Variants in CRY1 observed in about 807,000 individuals in gnomAD.
CRY1 encodes cryptochrome circadian regulator 1, also known as cryptochrome-1.
In CRY1, 45 loss-of-function variants were observed where a neutral mutation model predicts 76.0. The ratio of observed to expected loss-of-function variants is 0.59; its 90% CI spans 0.47 to 0.76. The LOEUF (loss-of-function observed/expected upper bound fraction) is 0.76, where lower values mean the gene tolerates loss of function less well. Among genes scored for constraint, CRY1 ranks in the 30% least tolerant of loss-of-function variants. CRY1 has a pLI of 0.00. For missense variants in CRY1, 587 were observed against 716.4 expected, an observed-to-expected ratio of 0.82 and a Z score of 2.06; for synonymous variants, 248 against 244.0, an observed-to-expected ratio of 1.02 and a Z score of -0.15.
intron 2 of CRY1, among the ~76,000 whole-genome samples, chr12:107,016,875 C>T (rs1450601582): frequency 1.3e-5 from 2 of 152,218 alleles, no homozygotes; most frequent in Non-Finnish European, 2.9e-5. Flanking sequence ...ATCCTTGACT[C>T]TCATATATCA....
At position 107,093,459 on chromosome 12, in the gene CRY1, A is replaced by G. The variant is rs1029932529; in HGVS notation, c.-498T>C. On this transcript the variant is annotated 5_prime_UTR_variant, in exon 1 of 13. Transcript: ENST00000008527. ...GCGACGCTGTCTCTCGGCCCGGGAGAAAGGACCGGGAACGGAGGCTAGAGG... is the reference window on the plus strand; with the variant it reads ...GCGACGCTGTCTCTCGGCCCGGGAGGAAGGACCGGGAACGGAGGCTAGAGG... The G allele has an allele frequency of 3.3e-5, 5 of 152,948 alleles. No individual in the cohort carries two copies. The highest frequency in any genetic ancestry group is 1.2e-4 in the African/African-American group (5 of 41,424). The allele number at this position is 152,948 out of a possible 1,614,324, so 9.5% of individuals were successfully genotyped here.
intron 1 of CRY1, 38 bp downstream of exon 1, chr12:107,092,766 A>G: frequency 1.2e-6 from 2 of 1,608,354 alleles, no homozygotes; most frequent in Non-Finnish European, 1.7e-6. Flanking sequence ...CAGACTCATT[A>G]AACACCCAAA....
chr12:107,017,025 C>T (rs1952503904), intron 2 of CRY1, among the ~76,000 whole-genome samples: 1 of 152,232 alleles, frequency 6.6e-6, no homozygotes, highest in African/African-American at 2.4e-5. Flanking sequence ...ACTGATCTTT[C>T]TGCTTCTGCC....
In CRY1 at chr12:106,992,872, G is replaced by A. The variant is rs780904119; in HGVS notation, c.1676C>T (p.Thr559Ile). The part of the protein sequence containing the change: ...LLKQGRSSMG[T>I]GLSGGKRPSQ... ...AGGACGTTTCCCACCACTGAGACCA[G>A]TGCCCATGGAGCTTCTTCCTGCACA... The change falls in exon 12 of 13, where the codon ACT becomes ATT. Residue 559 changes from threonine to isoleucine, a missense_variant. Physicochemically the swap from Thr to Ile is moderately conservative, Grantham distance 89. Transcript: ENST00000008527. 9 of 1,613,852 alleles carry A rather than the reference G, an allele frequency of 5.6e-6. No individual in the cohort carries two copies. The highest frequency in any genetic ancestry group is 1.3e-5 in the African/African-American group (1 of 74,888).
Position 106,991,560 on chromosome 12 carries a change from T to C in CRY1, c.*442A>G, listed in dbSNP as rs1211293052. On this transcript the variant is annotated 3_prime_UTR_variant, in exon 13 of 13. Transcript: ENST00000008527. ...GGATTACGCACATTATCTAAAACAT[T>C]ATTATCAAAGAGTGCAAAGTTAGAT... 6.6e-6 allele frequency: 1 copy of C among 152,600 alleles called. No individual in the cohort carries two copies. Among genetic ancestry groups the C allele is most frequent in the Admixed American group, 6.5e-5 (1 of 15,288 alleles). The allele number at this position is 152,600 out of a possible 1,614,324, so 9.5% of individuals were successfully genotyped here.
chr12:107,011,409 A>G (rs1362150354), intron 2 of CRY1, among the ~76,000 whole-genome samples: 1 of 151,998 alleles, frequency 6.6e-6, no homozygotes, highest in Non-Finnish European at 1.5e-5. Context: ...AAGCTAGGCC[A>G]TTTGCACCAG....
chr12:107,071,736 A>G (rs1452124945), intron 1 of CRY1, among the ~76,000 whole-genome samples: 1 of 152,230 alleles, frequency 6.6e-6, no homozygotes, highest in Non-Finnish European at 1.5e-5. Context: ...TAATGTAAGA[A>G]AGGGACTATC....
intron 1 of CRY1, chr12:107,072,787 G>A (rs1454599294): frequency 6.6e-6 from 1 of 152,116 alleles, no homozygotes; most frequent in African/African-American, 2.4e-5. Flanking sequence ...TCTTATGGGT[G>A]ATATTACACA....
intron 1 of CRY1, among the ~76,000 whole-genome samples, chr12:107,055,205 C>T (rs1211858266): frequency 1.3e-5 from 2 of 151,986 alleles, no homozygotes; most frequent in South Asian, 2.1e-4. Context: ...CTGACCTTGA[C>T]GTATTTATGC....
At chr12:107,036,678 T>C (rs1952736778) in intron 1 of CRY1, among the ~76,000 whole-genome samples, 1 of 151,984 alleles carries the variant, frequency 6.6e-6, no homozygotes, top group African/African-American at 2.4e-5. Context: ...TCTTTCTTAC[T>C]ACTCTCCTTC....
intron 1 of CRY1, among the ~76,000 whole-genome samples, chr12:107,077,581 T>C (rs1411395944): frequency 6.6e-6 from 1 of 152,198 alleles, no homozygotes; most frequent in Non-Finnish European, 1.5e-5. Flanking sequence ...ACCTTATCTA[T>C]ATATTTTATT....
chr12:107,054,023 TA>T (rs1480678572), intron 1 of CRY1, among the ~76,000 whole-genome samples: 1 of 152,142 alleles, frequency 6.6e-6, no homozygotes, highest in African/African-American at 2.4e-5. Context: ...TAGAGAATTC[TA>T]AAAGATACAT....
intron 1 of CRY1, among the ~76,000 whole-genome samples, chr12:107,056,294 A>T (rs1952981300): frequency 6.6e-6 from 1 of 152,250 alleles, no homozygotes; most frequent in Non-Finnish European, 1.5e-5. Context: ...GGCACTCAGC[A>T]GAAAAAGATG....
At chr12:106,995,081 C>T (rs1341645162) in intron 10 of CRY1, among the ~76,000 whole-genome samples, 1 of 152,178 alleles carries the variant, frequency 6.6e-6, no homozygotes, top group Non-Finnish European at 1.5e-5. Flanking sequence ...TGGAGCTAGT[C>T]AGACTTGGAT....
At chr12:107,036,229 T>C (rs1361520698) in intron 1 of CRY1, among the ~76,000 whole-genome samples, 1 of 152,212 alleles carries the variant, frequency 6.6e-6, no homozygotes, top group East Asian at 1.9e-4. Context: ...AATTGAAATG[T>C]TGCATAGCCC....
intron 1 of CRY1, among the ~76,000 whole-genome samples, chr12:107,028,137 G>GA (rs1198562455): frequency 3.9e-5 from 6 of 151,982 alleles, no homozygotes; most frequent in African/African-American, 1.2e-4. Flanking sequence ...GTTAAATGTA[G>GA]AAAAAACTAA....
chr12:107,068,561 G>C (rs1016355580), intron 1 of CRY1, among the ~76,000 whole-genome samples: 5 of 152,118 alleles, frequency 3.3e-5, no homozygotes, highest in Non-Finnish European at 5.9e-5. Context: ...GCCTCCCAAA[G>C]TGCTGAGATT....
intron 7 of CRY1, among the ~76,000 whole-genome samples, chr12:106,998,693 A>ACACAT (rs1238131760): frequency 7.5e-5 from 6 of 80,534 alleles, no homozygotes; most frequent in African/African-American, 3.1e-4. Context: ...CACACACACA[A>ACACAT]GCTCAGAAAT....
intron 1 of CRY1, among the ~76,000 whole-genome samples, chr12:107,038,686 G>C (rs1295947550): frequency 6.6e-6 from 1 of 152,200 alleles, no homozygotes; most frequent in Non-Finnish European, 1.5e-5. Context: ...AGGAAGTCCT[G>C]GACTTTCCTT....
Sources: gnomAD v4.1 joint callset for allele counts (sites outside exome capture counted in the v4.1 genomes callset) on GRCh38, gnomAD v4.1.1 for gene constraint, MANE v1.5 for transcripts, NCBI Gene and HGNC (gene_info 2026-07-23, HGNC 2026-07-21) for gene names.